SPOCK1: variants seen among roughly 807,000 people sequenced by gnomAD.
SPOCK1 encodes SPARC (osteonectin), cwcv and kazal like domains proteoglycan 1, also known as testican-1.
SPOCK1 carries 23 observed loss-of-function variants against 55.3 expected under a neutral mutation model. The ratio of observed to expected loss-of-function variants is 0.42; its 90% CI spans 0.30 to 0.59. The LOEUF is 0.59. Among genes scored for constraint, SPOCK1 ranks in the 20% least tolerant of loss-of-function variants. The pLI, the probability that SPOCK1 is intolerant of heterozygous loss-of-function variation, is 0.22. For synonymous variants in SPOCK1, 226 were observed against 221.0 expected (o/e 1.02, Z -0.20); for missense variants, 499 against 552.5 (o/e 0.90, Z 0.97).
At chr5:137,474,512 G>T (rs887040084) in intron 2 of SPOCK1, among the ~76,000 whole-genome samples, 6 of 152,198 alleles carry the variant, frequency 3.9e-5, no homozygotes, top group African/African-American at 1.4e-4. Context: ...GACAAGTGCT[G>T]ATAGCGACCT....
intron 2 of SPOCK1, among the ~76,000 whole-genome samples, chr5:137,330,022 G>C (rs747485657): frequency 6.6e-6 from 1 of 152,102 alleles, no homozygotes; most frequent in Non-Finnish European, 1.5e-5. Flanking sequence ...ATGTCCCATG[G>C]GAAGCAGACC....
At chr5:137,152,901 T>G (rs1754345111) in intron 3 of SPOCK1, among the ~76,000 whole-genome samples, 1 of 152,200 alleles carries the variant, frequency 6.6e-6, no homozygotes, top group Admixed American at 6.5e-5. Context: ...TACACCACCC[T>G]GTGAGGCCAA....
At chr5:137,292,734 C>T (rs1757397654) in intron 2 of SPOCK1, among the ~76,000 whole-genome samples, 1 of 149,646 alleles carries the variant, frequency 6.7e-6, no homozygotes, top group African/African-American at 2.4e-5. Flanking sequence ...ATTTTACTAC[C>T]TGTAGATACA....
intron 2 of SPOCK1, among the ~76,000 whole-genome samples, chr5:137,284,918 G>GTA (rs113487313): frequency 0.055 from 8,449 of 152,274 alleles, 373 homozygotes; most frequent in African/African-American, 0.11. Flanking sequence ...TGGCTCCTGG[G>GTA]TAGAGATGGG....
chr5:137,019,617 T>G (rs561912359), intron 6 of SPOCK1, among the ~76,000 whole-genome samples: 1 of 152,200 alleles, frequency 6.6e-6, no homozygotes, highest in African/African-American at 2.4e-5. Context: ...TTTCAATGAT[T>G]GCTATTTGCC....
At chr5:137,249,910 C>T (rs17780169) in intron 3 of SPOCK1, among the ~76,000 whole-genome samples, 17,877 of 151,832 alleles carry the variant, frequency 0.12, 1,326 homozygotes, top group East Asian at 0.25. Context: ...TTATTATGTG[C>T]GGCATAGTAT....
chr5:137,449,133 C>T (rs1753195898), intron 2 of SPOCK1, among the ~76,000 whole-genome samples: 1 of 152,146 alleles, frequency 6.6e-6, no homozygotes, highest in Non-Finnish European at 1.5e-5. Context: ...GACCAGGTGC[C>T]CTGGCACTCT....
intron 3 of SPOCK1, among the ~76,000 whole-genome samples, chr5:137,191,075 T>C (rs1452091272): frequency 6.6e-6 from 1 of 152,210 alleles, no homozygotes; most frequent in African/African-American, 2.4e-5. Context: ...CTCTTCTCCA[T>C]TAATTCTTCT....
At chr5:137,191,650 T>A (rs560990353) in intron 3 of SPOCK1, among the ~76,000 whole-genome samples, 1 of 152,320 alleles carries the variant, frequency 6.6e-6, no homozygotes, top group Non-Finnish European at 1.5e-5. Context: ...CAGTGGCCCA[T>A]CAGGTAAAAC....
chr5:137,171,432 G>T (rs747516348), intron 3 of SPOCK1, among the ~76,000 whole-genome samples: 21 of 152,114 alleles, frequency 1.4e-4, no homozygotes, highest in Non-Finnish European at 2.1e-4. Context: ...GAGTTTAACT[G>T]AGAAGCGACC....
At chr5:137,469,085 G>C (rs1011660663) in intron 2 of SPOCK1, among the ~76,000 whole-genome samples, 2 of 152,196 alleles carry the variant, frequency 1.3e-5, no homozygotes, top group Non-Finnish European at 2.9e-5. Flanking sequence ...CTTCTGGCTG[G>C]AAGTTGAAAG....
chr5:137,435,259 A>G (rs926531868), intron 2 of SPOCK1, among the ~76,000 whole-genome samples: 1 of 152,224 alleles, frequency 6.6e-6, no homozygotes, highest in African/African-American at 2.4e-5. Context: ...TCTCTAATTA[A>G]TTCCTTAAGA....
At chr5:137,346,229 C>G (rs376596219) in intron 2 of SPOCK1, among the ~76,000 whole-genome samples, 3 of 152,138 alleles carry the variant, frequency 2.0e-5, no homozygotes, top group African/African-American at 7.2e-5. Flanking sequence ...CCAGGAAGAC[C>G]GGGAAGTTGC....
intron 2 of SPOCK1, among the ~76,000 whole-genome samples, chr5:137,354,430 C>T (rs1199211533): frequency 1.3e-5 from 2 of 152,088 alleles, no homozygotes; most frequent in African/African-American, 4.8e-5. Context: ...TCCCTTGACC[C>T]CCCCAGGCAG....
At chr5:137,451,308 T>C (rs1484438669) in intron 2 of SPOCK1, among the ~76,000 whole-genome samples, 1 of 152,130 alleles carries the variant, frequency 6.6e-6, no homozygotes, top group African/African-American at 2.4e-5. Context: ...ACGCAGAATG[T>C]TTTTCAAAGT....
At chr5:137,301,189 C>T (rs1319687915) in intron 2 of SPOCK1, among the ~76,000 whole-genome samples, 14 of 152,178 alleles carry the variant, frequency 9.2e-5, no homozygotes, top group Non-Finnish European at 1.5e-5. Flanking sequence ...AGAGGGACCT[C>T]CTCCACCTTC....
At chr5:137,242,198 T>C (rs1213487369) in intron 3 of SPOCK1, among the ~76,000 whole-genome samples, 3 of 152,156 alleles carry the variant, frequency 2.0e-5, no homozygotes, top group South Asian at 2.1e-4. Context: ...CAAAACCCCA[T>C]TGATATGGTT....
chr5:137,051,821 GAAGT>G (rs1401266860), intron 6 of SPOCK1, among the ~76,000 whole-genome samples: 66 of 152,142 alleles, frequency 4.3e-4, no homozygotes, highest in African/African-American at 1.5e-3. Flanking sequence ...TATGATCAAA[GAAGT>G]AAGAAATCAA....
At chr5:137,084,106 G>A (rs976645136) in intron 5 of SPOCK1, among the ~76,000 whole-genome samples, 1 of 152,116 alleles carries the variant, frequency 6.6e-6, no homozygotes, top group Non-Finnish European at 1.5e-5. Flanking sequence ...GCCCAGTGCA[G>A]AGTAAGTGCT....
Sources: allele counts gnomAD v4.1 joint callset (sites outside exome capture counted in the v4.1 genomes callset), GRCh38; gene constraint gnomAD v4.1.1; transcripts MANE v1.5; gene names NCBI Gene and HGNC (gene_info 2026-07-23, HGNC 2026-07-21).